The following PTPN14 variants were observed in gnomAD, a reference collection of about 807,000 sequenced individuals.
The protein encoded by PTPN14 is tyrosine-protein phosphatase non-receptor type 14.
A neutral mutation model predicts 126.8 loss-of-function variants in PTPN14; 53 were observed. The observed-to-expected ratio is 0.42, with a 90% CI of 0.34 to 0.53. The LOEUF is 0.53. Among genes scored for constraint, PTPN14 ranks in the 20% least tolerant of loss-of-function variants. The pLI is 0.08. For synonymous variants in PTPN14, 630 were observed against 599.3 expected, an observed-to-expected ratio of 1.05 and a Z score of -0.75; for missense variants, 1,257 against 1,552.9, an observed-to-expected ratio of 0.81 and a Z score of 3.20.
intron 1 of PTPN14, among the ~76,000 whole-genome samples, chr1:214,506,051 C>T (rs181302013): frequency 1.9e-3 from 293 of 152,296 alleles, no homozygotes; most frequent in Non-Finnish European, 2.9e-3. Context: ...ACTGCTTAGG[C>T]AGCAGTGAGA....
intron 13 of PTPN14, 85 bp from the exon 14 acceptor site, chr1:214,378,187 TC>T: frequency 6.9e-7 from 1 of 1,441,934 alleles, no homozygotes; most frequent in Non-Finnish European, 9.3e-7. Context: ...AATCTGTAAC[TC>T]CCCAGCCAAG....
In PTPN14 at chr1:214,350,178, GAA is replaced by G. The variant is rs1035692024; in HGVS notation, c.*7742_*7743del. On this transcript the variant is annotated 3_prime_UTR_variant, in exon 19 of 19. Transcript: ENST00000366956. The stretch of plus-strand genomic sequence containing the variant: ...TAATCTTTCCCCTTCCTAGGTAAGT[GAA>G]AACAGATAAAATGTTTCTGGGCAGC... 9.8e-5 allele frequency: 15 copies of G among 152,322 alleles called. No individual in the cohort carries two copies. The highest frequency in any genetic ancestry group is 3.6e-4 in the African/African-American group (15 of 41,574). The allele number at this position is 152,322 out of a possible 1,614,324, so 9.4% of individuals were successfully genotyped here.
At chr1:214,499,358 G>A (rs1029929745) in intron 1 of PTPN14, among the ~76,000 whole-genome samples, 2 of 147,460 alleles carry the variant, frequency 1.4e-5, no homozygotes, top group African/African-American at 2.6e-5. Context: ...AGTAGAATGA[G>A]TGTGTGGAAA....
At chr1:214,482,884 T>G (rs1314273297) in intron 1 of PTPN14, 1 of 1,591,054 alleles carries the variant, frequency 6.3e-7, no homozygotes, top group African/African-American at 1.3e-5. Flanking sequence ...TCAGGAAGAT[T>G]CATATTCTTT....
intron 1 of PTPN14, chr1:214,483,502 T>C: frequency 2.9e-6 from 2 of 701,296 alleles, no homozygotes; most frequent in Admixed American, 2.6e-5. Flanking sequence ...TTAACAACTT[T>C]CACTGTCTTG....
intron 5 of PTPN14, among the ~76,000 whole-genome samples, chr1:214,406,851 A>G (rs1307606601): frequency 6.6e-6 from 1 of 152,210 alleles, no homozygotes; most frequent in Non-Finnish European, 1.5e-5. Context: ...GAAAACTCTG[A>G]GAAGCACCCA....
chr1:214,376,530 TAA>T lies in PTPN14; in HGVS notation c.2689-95_2689-94del, dbSNP rs571829651. On this transcript the variant is annotated intron_variant, in intron 14 of 18. Transcript: ENST00000366956. ...TTCTTTAAATATTTAGCGATTGTGT[TAA>T]AAGAGATTTCAAGTTCTACAATCAA... 48 of 1,074,886 alleles carry T rather than the reference TAA, an allele frequency of 4.5e-5. No homozygotes were observed. In the Middle Eastern group the frequency reaches 1.5e-3, roughly 33 times the overall value. 66.6% of individuals were successfully genotyped at this position (1,074,886 alleles called of 1,614,324 possible).
Position 214,358,021 on chromosome 1 carries a change from G to T in PTPN14, c.3465C>A (p.Leu1155=). ...EKVEVPMMLR[L]LREQRMFMIQ... ...TCATGAACATCCTCTGCTCCCTGAG[G>T]AGCCTCAGCATCATGGGCACTTCCA... Residue 1155 remains leucine (L), a synonymous_variant, in exon 19 of 19, where the codon CTC becomes CTA. Transcript: ENST00000366956. 6.2e-7 allele frequency: 1 copy of T among 1,613,642 alleles called. No homozygotes were observed. Among genetic ancestry groups the T allele is most frequent in the South Asian group, 1.1e-5 (1 of 91,032 alleles).
intron 2 of PTPN14, among the ~76,000 whole-genome samples, chr1:214,460,524 AACAC>A (rs10522279): frequency 1.5e-3 from 195 of 132,654 alleles, no homozygotes; most frequent in African/African-American, 4.8e-3. Context: ...TGAAAATTCC[AACAC>A]ACACACACAC....
At chr1:214,524,241 A>T (rs1036729145) in intron 1 of PTPN14, among the ~76,000 whole-genome samples, 1 of 152,162 alleles carries the variant, frequency 6.6e-6, no homozygotes, top group African/African-American at 2.4e-5. Flanking sequence ...CGTTCTATAG[A>T]ACGATTTTCT....
At chr1:214,403,328 G>A (rs1375652859) in intron 5 of PTPN14, among the ~76,000 whole-genome samples, 1 of 152,174 alleles carries the variant, frequency 6.6e-6, no homozygotes, top group Non-Finnish European at 1.5e-5. Context: ...TGAGTTTCCA[G>A]GCCATCATCC....
intron 2 of PTPN14, among the ~76,000 whole-genome samples, chr1:214,464,320 TAA>T (rs1660577978): frequency 6.6e-6 from 1 of 151,810 alleles, no homozygotes; most frequent in African/African-American, 2.4e-5. Context: ...TCAATTGTTT[TAA>T]AGAGAGAAGA....
At chr1:214,453,053 C>T (rs981553127) in intron 2 of PTPN14, among the ~76,000 whole-genome samples, 3 of 152,148 alleles carry the variant, frequency 2.0e-5, no homozygotes, top group South Asian at 4.1e-4. Context: ...GAAAACCAGA[C>T]GTGCCCTTGC....
chr1:214,407,393 T>C (rs1659195787), intron 5 of PTPN14, among the ~76,000 whole-genome samples: 1 of 151,732 alleles, frequency 6.6e-6, no homozygotes, highest in Non-Finnish European at 1.5e-5. Flanking sequence ...CTGGGCATGG[T>C]GGTGGGCATC....
rs1237473091 is a variant in PTPN14, at chr1:214,396,466, A to C, written c.758+1447T>G. 7.9e-5 allele frequency among the ~76,000 whole-genome samples: 12 copies of C among 152,190 alleles called. 1 individual carries two copies. Among genetic ancestry groups the C allele is most frequent in the Non-Finnish European group, 1.8e-4 (12 of 68,006 alleles). On this transcript the variant is annotated intron_variant, in intron 8 of 18. Coordinates refer to ENST00000366956, the MANE Select transcript of PTPN14 (RefSeq NM_005401.5). ...GTGGACTCATAGCTACATGCTCCTTAGTGAAGGTCTCTAGAGATAAGAGAT... is the reference window on the plus strand; with the variant it reads ...GTGGACTCATAGCTACATGCTCCTTCGTGAAGGTCTCTAGAGATAAGAGAT...
At chr1:214,545,998 G>A (rs1023879590) in intron 1 of PTPN14, among the ~76,000 whole-genome samples, 1 of 152,136 alleles carries the variant, frequency 6.6e-6, no homozygotes, top group African/African-American at 2.4e-5. Flanking sequence ...CCTGGCTAGG[G>A]ATACGAGGCC....
chr1:214,532,176 G>A (rs557899094), intron 1 of PTPN14: 66 of 322,700 alleles, frequency 2.0e-4, no homozygotes, highest in Non-Finnish European at 3.6e-4. Context: ...CTGTCCTCTC[G>A]TTCTCCTCCC....
intron 3 of PTPN14, among the ~76,000 whole-genome samples, chr1:214,428,756 A>T (rs1000155931): frequency 8.5e-5 from 13 of 152,146 alleles, no homozygotes; most frequent in African/African-American, 3.1e-4. Flanking sequence ...GTTTGGCAAA[A>T]TCTCTGGAAG....
At chr1:214,440,345 GTGTT>G (rs928759146) in intron 3 of PTPN14, among the ~76,000 whole-genome samples, 2 of 152,172 alleles carry the variant, frequency 1.3e-5, no homozygotes, top group African/African-American at 4.8e-5. Context: ...CAAATAGGCT[GTGTT>G]TGTTTAAGAT....
Sources: gnomAD v4.1 joint callset for allele counts (sites outside exome capture counted in the v4.1 genomes callset) on GRCh38, gnomAD v4.1.1 for gene constraint, MANE v1.5 for transcripts, NCBI Gene and HGNC (gene_info 2026-07-23, HGNC 2026-07-21) for gene names.